The following RHOC variants were observed in gnomAD, a reference collection of about 807,000 sequenced individuals.
RHOC encodes the protein ras homolog family member C.
RHOC carries 13 observed loss-of-function variants against 19.5 expected under a neutral mutation model. The ratio of observed to expected loss-of-function variants is 0.67; its 90% confidence interval spans 0.43 to 1.06. The LOEUF (loss-of-function observed/expected upper bound fraction) is 1.06, where lower values mean the gene tolerates loss of function less well. Ranked by LOEUF, RHOC falls within the 50% of genes least tolerant of loss-of-function variation. The pLI is 0.00. For missense variants in RHOC, 173 were observed against 256.9 expected (o/e 0.67, Z 2.23); for synonymous variants, 106 against 97.3 (o/e 1.09, Z -0.52).
At chr1:112,702,167 C>A (rs887986779) in intron 5 of RHOC, among the ~76,000 whole-genome samples, 1 of 152,194 alleles carries the variant, frequency 6.6e-6, no homozygotes, top group African/African-American at 2.4e-5. Context: ...CCAGCTCTCA[C>A]ATCCCTTCTT....
At chr1:112,704,569 A>G (rs191820472) in intron 2 of RHOC, 2 of 168,288 alleles carry the variant, frequency 1.2e-5, no homozygotes, top group Non-Finnish European at 2.6e-5. Context: ...TGTGTGACTC[A>G]AAGTCGTGCC....
At chr1:112,704,853 C>T in intron 2 of RHOC, 4 of 563,852 alleles carry the variant, frequency 7.1e-6, no homozygotes, top group Non-Finnish European at 1.3e-5. Context: ...CACACATCTA[C>T]CACAGCACAG....
intron 2 of RHOC, chr1:112,704,505 G>C (rs2999156): frequency 0.51 from 78,885 of 155,156 alleles, 20,635 homozygotes; most frequent in South Asian, 0.66. Context: ...GTGAGGTTAA[G>C]ACAGATTCAG....
rs1177028879 is a variant in RHOC, at chr1:112,705,115, G to A, written c.-23C>T. The A allele has an allele frequency of 1.4e-6, 1 of 702,520 alleles. No individual in the cohort carries two copies. Among genetic ancestry groups the A allele is most frequent in the Non-Finnish European group, 2.6e-6 (1 of 384,866 alleles). 43.5% of individuals were successfully genotyped at this position (702,520 alleles called of 1,614,324 possible). On this transcript the variant is annotated 5_prime_UTR_variant, in exon 2 of 6. Transcript: ENST00000339083. ...GGGAACTGACCTCCAGCCGGCTGAAGTTCCCAGGCTGCAGGAAGAGAGGGC... is the reference window on the plus strand; with the variant it reads ...GGGAACTGACCTCCAGCCGGCTGAAATTCCCAGGCTGCAGGAAGAGAGGGC...
rs766896156 is a variant in RHOC at position 112,701,563 on chromosome 1, G to C, written c.559C>G (p.Arg187Gly). ...TCTCAGAGAATGGGACAGCCCCTCCGACGCTTGTTCTTGCGGACCTGGAGG... is the reference window on the plus strand; with the variant it reads ...TCTCAGAGAATGGGACAGCCCCTCCCACGCTTGTTCTTGCGGACCTGGAGG... The part of the protein sequence containing the change: ...AGLQVRKNKR[R>G]RGCPIL The change falls in exon 6 of 6, where the codon CGG (arginine) becomes GGG (glycine). Residue 187 changes from arginine to glycine, a missense_variant. By Grantham distance (125) the Arg-to-Gly change is moderately radical. Transcript: ENST00000339083. The C allele has an allele frequency of 1.9e-6, 3 of 1,614,046 alleles. No homozygotes were observed. Among genetic ancestry groups the C allele is most frequent in the South Asian group, 2.2e-5 (2 of 91,080 alleles).
At position 112,703,722 on chromosome 1, in the gene RHOC, G is replaced by A; in HGVS notation, c.78C>T (p.Ser26=). ...CGKTCLLIVF[S]KDQFPEVYVP... is the part of the protein sequence containing the mutation. ...CGTAGACCTCCGGAAACTGATCCTT[G>A]CTGAAGACGATGAGGAGGCAGGTCT... Residue 26 remains serine, a synonymous_variant, in exon 3 of 6, where the codon AGC becomes AGT. Transcript: ENST00000339083. 1.2e-6 allele frequency: 2 copies of A among 1,613,386 alleles called. No homozygotes were observed. Among genetic ancestry groups the A allele is most frequent in the Non-Finnish European group, 1.7e-6 (2 of 1,179,758 alleles).
intron 4 of RHOC, 32 bp downstream of exon 4, chr1:112,702,967 G>A (rs1340919591): frequency 1.2e-6 from 2 of 1,613,524 alleles, no homozygotes; most frequent in South Asian, 1.1e-5. Context: ...GATTCCAAGG[G>A]GTTCTCAGTC....
rs1674702615 is a variant in RHOC at position 112,702,843 on chromosome 1, C to T, written c.278-150G>A. The T allele has an allele frequency of 2.2e-6, 3 of 1,348,538 alleles. No individual in the cohort carries two copies. In the African/African-American group the frequency reaches 4.3e-5, roughly 19 times the overall value. The allele number at this position is 1,348,538 out of a possible 1,614,324, so 83.5% of individuals were successfully genotyped here. On this transcript the variant is annotated intron_variant, in intron 4 of 5. Coordinates refer to ENST00000339083, the MANE Select transcript of RHOC (RefSeq NM_175744.5). ...CAAAACCTCAACAGTAGTATGCCCT[C>T]AGAGGGCCAGTTACCACAGTAAAGG...
chr1:112,703,130 G>C lies in RHOC; in HGVS notation c.157-11C>G, dbSNP rs374201151. The stretch of plus-strand genomic sequence containing the variant: ...CAGAGCCAGCTCCACCTGACACACA[G>C]GGCCAGTGAGTAGCTGGCCTGAGGG... On this transcript the variant is annotated splice_polypyrimidine_tract_variant and intron_variant, in intron 3 of 5. Transcript: ENST00000339083. The C allele has an allele frequency of 1.7e-4, 277 of 1,613,684 alleles. 4 individuals are homozygous for C. In the South Asian group the frequency reaches 2.8e-3, roughly 16 times the overall value.
At chr1:112,704,358 G>A (rs1429917814) in intron 2 of RHOC, 1 of 153,362 alleles carries the variant, frequency 6.5e-6, no homozygotes, top group Non-Finnish European at 1.5e-5. Context: ...GGTGGGTAAA[G>A]GAAGAATAGT....
chr1:112,701,733 G>C lies in RHOC; in HGVS notation c.409-20C>G. 6.2e-7 allele frequency: 1 copy of C among 1,613,144 alleles called. No homozygotes were observed. The highest frequency in any genetic ancestry group is 8.5e-7 in the Non-Finnish European group (1 of 1,179,502). ...GGGCTCCTGAGAAGACATAAGATGA[G>C]GGGTCAAAGGAAGCTGTTGACTACA... On this transcript the variant is annotated intron_variant, in intron 5 of 5. Coordinates refer to ENST00000339083, the MANE Select transcript of RHOC (RefSeq NM_175744.5).
rs202032648 is a variant in RHOC at position 112,703,809 on chromosome 1, G to A, written c.-7-3C>T. ...TTCGGATTGCAGCCATGGTGGGGCTGCCAGGAAAGACGTATTGGGGATTTG... is the reference window on the plus strand; with the variant it reads ...TTCGGATTGCAGCCATGGTGGGGCTACCAGGAAAGACGTATTGGGGATTTG... On this transcript the variant is annotated splice_polypyrimidine_tract_variant and splice_region_variant and intron_variant, in intron 2 of 5. Transcript: ENST00000339083. 308 of 1,607,574 alleles carry A rather than the reference G, an allele frequency of 1.9e-4. No homozygotes were observed. Among genetic ancestry groups the A allele is most frequent in the Non-Finnish European group, 2.4e-4 (288 of 1,177,488 alleles).
chr1:112,705,448 G>A (rs1674806541), intron 1 of RHOC: 2 of 590,744 alleles, frequency 3.4e-6, no homozygotes, highest in South Asian at 1.8e-5. Flanking sequence ...TAGATCCTGA[G>A]TGGCCCTTCC....
At chr1:112,706,474 A>ACC (rs1557780679) in intron 1 of RHOC, among the ~76,000 whole-genome samples, 1 of 3,346 alleles carries the variant, frequency 3.0e-4, no homozygotes, top group Non-Finnish European at 9.0e-4. Flanking sequence ...CCACACACAC[A>ACC]CACACACACA....
rs1674606955 is a variant in RHOC, at chr1:112,701,160, CCT to C, written c.*378_*379del. On this transcript the variant is annotated 3_prime_UTR_variant, in exon 6 of 6. Transcript: ENST00000339083. ...AGCCTGTAGCCTTTATTCATGCCCC[CCT>C]GACCAAATGCAGTGAGAGACAAGGC... The C allele has an allele frequency of 5.8e-6, 3 of 519,874 alleles. No homozygotes were observed. Among genetic ancestry groups the C allele is most frequent in the Middle Eastern group, 5.0e-4 (1 of 2,012 alleles). The allele number at this position is 519,874 out of a possible 1,614,324, so 32.2% of individuals were successfully genotyped here.
intron 1 of RHOC, among the ~76,000 whole-genome samples, chr1:112,706,411 C>T (rs998653540): frequency 4.7e-5 from 5 of 105,938 alleles, no homozygotes; most frequent in Admixed American, 1.1e-4. Flanking sequence ...ATCTCATTTT[C>T]TCTCTCTCTC....
In RHOC at chr1:112,703,934, T is replaced by G; in HGVS notation, c.-7-128A>C. ...GGGACAGGGGGCTTGCTCAGGCATG[T>G]TCTGGCAAAACACCAATTGTGCGAC... is the stretch of plus-strand genomic sequence containing the variant. On this transcript the variant is annotated intron_variant, in intron 2 of 5. Transcript: ENST00000339083. 3.7e-6 allele frequency: 3 copies of G among 812,892 alleles called. No individual in the cohort carries two copies. The East Asian group carries it at 8.0e-5, about 22-fold the overall frequency. 50.4% of individuals were successfully genotyped at this position (812,892 alleles called of 1,614,324 possible).
In RHOC at chr1:112,706,464, CCACACACACACACACACA is replaced by C. The variant is rs57078670; in HGVS notation, c.-77+596_-77+613del. On this transcript the variant is annotated intron_variant, in intron 1 of 5. Transcript: ENST00000339083. ...ACACACACACACACACACACACACA[CCACACACACACACACACA>C]CACACACACACACACACACACACAC... Among the ~76,000 whole-genome samples, 123 of 23,018 alleles carry C rather than the reference CCACACACACACACACACA, an allele frequency of 5.3e-3. 1 individual carries two copies. Among genetic ancestry groups the C allele is most frequent in the East Asian group, 0.022 (16 of 742 alleles). The allele number at this position is 23,018 out of a possible 152,430, so 15.1% of individuals were successfully genotyped here.
chr1:112,706,491 CACACACACACACACACACACACACA>C (rs1674885933), intron 1 of RHOC, among the ~76,000 whole-genome samples: 1 of 27,132 alleles, frequency 3.7e-5, no homozygotes, highest in African/African-American at 1.1e-4. Context: ...CACACACACA[CACACACACACACACACACACACACA>C]CACACACACA....
Sources: allele counts gnomAD v4.1 joint callset (sites outside exome capture counted in the v4.1 genomes callset), GRCh38; gene constraint gnomAD v4.1.1; transcripts MANE v1.5; gene names NCBI Gene and HGNC (gene_info 2026-07-23, HGNC 2026-07-21).